Variants in RARA observed in about 807,000 individuals in gnomAD.
The protein encoded by RARA is retinoic acid receptor alpha.
A neutral mutation model predicts 42.8 loss-of-function variants in RARA; 5 were observed. The observed-to-expected ratio is 0.12, with a 90% CI of 0.06 to 0.25. RARA has a LOEUF of 0.25. Among genes scored for constraint, RARA ranks in the 10% least tolerant of loss-of-function variants. The pLI, the probability that RARA is intolerant of heterozygous loss-of-function variation, is 1.00. For missense variants in RARA, 402 were observed against 628.7 expected, an observed-to-expected ratio of 0.64 and a Z score of 3.86; for synonymous variants, 256 against 259.5, an observed-to-expected ratio of 0.99 and a Z score of 0.13.
At chr17:40,324,459 G>A (rs1415923845) in intron 1 of RARA, among the ~76,000 whole-genome samples, 1 of 152,134 alleles carries the variant, frequency 6.6e-6, no homozygotes, top group African/African-American at 2.4e-5. Context: ...TCCCCCGGGG[G>A]ATCTGGGGTA....
rs2033049212 is a variant in RARA, at chr17:40,309,191, A to G, written c.-458A>G. On this transcript the variant is annotated 5_prime_UTR_variant, in exon 1 of 9. Coordinates refer to ENST00000254066, the MANE Select transcript of RARA (RefSeq NM_000964.4). ...AACCCGTGCCTCTTGCAGCAGCCTAACCCAGAAGCAGGGGGGAATCCTGAA... is the reference window on the plus strand; with the variant it reads ...AACCCGTGCCTCTTGCAGCAGCCTAGCCCAGAAGCAGGGGGGAATCCTGAA... 1 of 152,258 alleles carries G rather than the reference A, an allele frequency of 6.6e-6. No homozygotes were observed. Among genetic ancestry groups the G allele is most frequent in the Non-Finnish European group, 1.5e-5 (1 of 68,084 alleles). The allele number at this position is 152,258 out of a possible 1,614,324, so 9.4% of individuals were successfully genotyped here.
intron 2 of RARA, chr17:40,341,700 C>A: frequency 7.5e-7 from 1 of 1,330,366 alleles, no homozygotes. Flanking sequence ...TGAGGCCCGG[C>A]CTGGGTGGGG....
intron 2 of RARA, chr17:40,340,936 C>T: frequency 2.5e-6 from 1 of 400,284 alleles, no homozygotes; most frequent in Admixed American, 4.4e-5. Flanking sequence ...CTTGCTGAGA[C>T]CTGTTTTATT....
chr17:40,331,934 G>A (rs1245492545), intron 2 of RARA, among the ~76,000 whole-genome samples: 1 of 152,166 alleles, frequency 6.6e-6, no homozygotes, highest in East Asian at 1.9e-4. Flanking sequence ...TTTGTGGGGA[G>A]GATGAGAGGG....
intron 2 of RARA, chr17:40,342,092 G>C: frequency 9.5e-7 from 1 of 1,054,442 alleles, no homozygotes; most frequent in Non-Finnish European, 1.1e-6. Context: ...GTGCCTGGAC[G>C]GGGCGGGGCG....
chr17:40,327,219 G>C (rs1484748749), intron 1 of RARA, among the ~76,000 whole-genome samples: 1 of 152,206 alleles, frequency 6.6e-6, no homozygotes, highest in Non-Finnish European at 1.5e-5. Flanking sequence ...GGGAGCAAGG[G>C]TGGGTTCCAG....
chr17:40,351,847 T>A lies in RARA; in HGVS notation c.470-63T>A. 6.4e-7 allele frequency: 1 copy of A among 1,567,544 alleles called. No homozygotes were observed. The highest frequency in any genetic ancestry group is 8.6e-7 in the Non-Finnish European group (1 of 1,164,314). On this transcript the variant is annotated intron_variant, in intron 4 of 8. Coordinates refer to ENST00000254066, the MANE Select transcript of RARA (RefSeq NM_000964.4). The surrounding 1 kb of genome is among the most constrained non-coding windows in gnomAD (Gnocchi z 4.1). ...AGCAGCTGGCAGCTCTCTGTCAGGC[T>A]GGGGGTGGACGAGGCCCTGAGCAGC...
chr17:40,317,595 G>A (rs2033240761), intron 1 of RARA, among the ~76,000 whole-genome samples: 1 of 151,988 alleles, frequency 6.6e-6, no homozygotes. Context: ...CTTTAAGGGG[G>A]CTGGGAGGGT....
rs1047755161 is a variant in RARA, at chr17:40,321,024, G to C, written c.-362-9833G>C. Among the ~76,000 whole-genome samples the C allele has an allele frequency of 2.0e-5, 3 of 152,216 alleles. No individual in the cohort carries two copies. In the East Asian group the frequency reaches 5.8e-4, roughly 29 times the overall value. On this transcript the variant is annotated intron_variant, in intron 1 of 8. Transcript: ENST00000254066. The stretch of plus-strand genomic sequence containing the variant: ...GCTTTGGCTGAACATTCTCTCTGAC[G>C]CCTGCTGTCTTTCCTCCCTCTACTC...
rs117780079 is a variant in RARA, at chr17:40,349,407, C to G, written c.328-377C>G. 205 of 212,920 alleles carry G rather than the reference C, an allele frequency of 9.6e-4. 2 individuals carry two copies. The highest frequency in any genetic ancestry group is 7.8e-3 in the East Asian group (62 of 7,922). 13.2% of individuals were successfully genotyped at this position (212,920 alleles called of 1,614,324 possible). A position where few individuals can be genotyped will look rare whatever the true frequency, so the allele number is the denominator to read the frequency against. Reference sequence around the variant, plus strand: ...CTCCTGGCCTCTTCGGGCTTGTCTTCTTTTCCTGTGTTCTGAGTTCAGGGG... The same window carrying G: ...CTCCTGGCCTCTTCGGGCTTGTCTTGTTTTCCTGTGTTCTGAGTTCAGGGG... On this transcript the variant is annotated intron_variant, in intron 3 of 8. Coordinates refer to ENST00000254066, the MANE Select transcript of RARA (RefSeq NM_000964.4).
chr17:40,320,658 A>G lies in RARA; in HGVS notation c.-362-10199A>G, dbSNP rs1254656472. Among the ~76,000 whole-genome samples, 4 of 152,182 alleles carry G rather than the reference A, an allele frequency of 2.6e-5. No individual in the cohort carries two copies. Among genetic ancestry groups the G allele is most frequent in the African/African-American group, 7.2e-5 (3 of 41,444 alleles). ...GTGATGTGACGGTGGGGCCTGTCCCAAAATACAAACCCCAATGCCCAGTTT... is the reference window on the plus strand; with the variant it reads ...GTGATGTGACGGTGGGGCCTGTCCCGAAATACAAACCCCAATGCCCAGTTT... On this transcript the variant is annotated intron_variant, in intron 1 of 8. Transcript: ENST00000254066. The surrounding 1 kb of genome is among the most constrained non-coding windows in gnomAD (Gnocchi z 4.1).
In RARA at chr17:40,330,838, GTCTT is replaced by G. The variant is rs2033672313; in HGVS notation, c.-362-13_-362-10del. Reference sequence around the variant, plus strand: ...CCTGTTCTTCAGTGCCCACTCACCTGTCTTTCTTTTTTCTGCAGCATCACAGGAC... The same window carrying G: ...CCTGTTCTTCAGTGCCCACTCACCTGTCTTTTTTCTGCAGCATCACAGGAC... On this transcript the variant is annotated splice_polypyrimidine_tract_variant and intron_variant, in intron 1 of 8. Transcript: ENST00000254066. 1 of 252,860 alleles carries G rather than the reference GTCTT, an allele frequency of 4.0e-6. No homozygotes were observed. 15.7% of individuals were successfully genotyped at this position (252,860 alleles called of 1,614,324 possible).
intron 2 of RARA, among the ~76,000 whole-genome samples, chr17:40,333,887 T>C (rs145108176): frequency 6.6e-6 from 1 of 152,196 alleles, no homozygotes; most frequent in Non-Finnish European, 1.5e-5. Flanking sequence ...TCCTCCTATC[T>C]TGGCCTCCCA....
In RARA at chr17:40,327,682, C is replaced by T. The variant is rs191145579; in HGVS notation, c.-362-3175C>T. 2.2e-3 allele frequency among the ~76,000 whole-genome samples: 339 copies of T among 152,354 alleles called. 1 individual carries two copies. The highest frequency in any genetic ancestry group is 7.8e-3 in the African/African-American group (325 of 41,574). ...TTCTCCTCACATGCATGCCTGCACA[C>T]ACACAGGCTGGGGCTGCAGGCGTGC... is the stretch of plus-strand genomic sequence containing the variant. On this transcript the variant is annotated intron_variant, in intron 1 of 8. Transcript: ENST00000254066.
At chr17:40,342,922 C>T in intron 2 of RARA, 1 of 1,560,486 alleles carries the variant, frequency 6.4e-7, no homozygotes. Context: ...GGCGGTAGGG[C>T]TTCCACTACT....
At chr17:40,334,299 C>A (rs974985951) in intron 2 of RARA, among the ~76,000 whole-genome samples, 1 of 152,128 alleles carries the variant, frequency 6.6e-6, no homozygotes, top group Non-Finnish European at 1.5e-5. Context: ...GGCAATGCCC[C>A]CTTCCTGCCC....
intron 1 of RARA, among the ~76,000 whole-genome samples, chr17:40,325,296 TAAAA>T (rs71355451): frequency 4.7e-5 from 7 of 149,204 alleles, no homozygotes; most frequent in African/African-American, 7.4e-5. Flanking sequence ...AATAAATAAA[TAAAA>T]AGAGGCTGGG....
At position 40,331,306 on chromosome 17, in the gene RARA, C is replaced by G. The variant is rs1371891710; in HGVS notation, c.88C>G (p.Pro30Ala). Residue 30 changes from proline to alanine, a missense_variant, in exon 2 of 9, where the codon CCT becomes GCT. This residue lies in a region of RARA where 91 missense variants were observed against 105.2 expected (regional missense o/e 0.87). Coordinates refer to ENST00000254066, the MANE Select transcript of RARA (RefSeq NM_000964.4). ...PVPPYAFFFP[P>A]MLGGLSPPGA... is the part of the protein sequence containing the mutation. Reference sequence around the variant, plus strand: ...GCCTCCCTACGCCTTCTTCTTCCCCCCTATGCTGGGTGGACTCTCCCCGCC... The same window carrying G: ...GCCTCCCTACGCCTTCTTCTTCCCCGCTATGCTGGGTGGACTCTCCCCGCC... 8.7e-6 allele frequency: 14 copies of G among 1,614,148 alleles called. No homozygotes were observed. The highest frequency in any genetic ancestry group is 9.3e-6 in the Non-Finnish European group (11 of 1,180,002).
chr17:40,339,871 C>T (rs982159595), intron 2 of RARA, among the ~76,000 whole-genome samples: 2 of 152,182 alleles, frequency 1.3e-5, no homozygotes, highest in African/African-American at 4.8e-5. Flanking sequence ...CTTGCTCCAT[C>T]ATTTGAAAGA....
Sources: gnomAD v4.1 joint callset for allele counts (sites outside exome capture counted in the v4.1 genomes callset) on GRCh38, gnomAD v4.1.1 for gene constraint, gnomAD v4.1.1 regional missense constraint, Gnocchi (gnomAD v3.1) non-coding constraint, MANE v1.5 for transcripts, NCBI Gene and HGNC (gene_info 2026-07-23, HGNC 2026-07-21) for gene names.